KDM2B: variants seen among roughly 807,000 people sequenced by gnomAD.
KDM2B encodes lysine-specific demethylase 2B.
In KDM2B, 26 loss-of-function variants were observed where a neutral mutation model predicts 150.0. That is an observed-to-expected ratio of 0.17 (90% confidence interval 0.13 to 0.24). The LOEUF is 0.24. KDM2B is among the 10% of genes least tolerant of loss of function. KDM2B has a pLI of 1.00. For missense variants in KDM2B, 1,265 were observed against 1,816.9 expected (o/e 0.70, Z 5.52); for synonymous variants, 734 against 729.5 (o/e 1.01, Z -0.10).
chr12:121,436,794 G>A (rs1376495147), intron 22 of KDM2B, among the ~76,000 whole-genome samples: 4 of 152,120 alleles, frequency 2.6e-5, no homozygotes, highest in African/African-American at 4.8e-5. Context: ...AATTACAGAC[G>A]ACTTTCTATT....
intron 6 of KDM2B, among the ~76,000 whole-genome samples, chr12:121,542,573 T>G (rs1390276341): frequency 6.6e-6 from 1 of 152,238 alleles, no homozygotes; most frequent in Non-Finnish European, 1.5e-5. Flanking sequence ...TTTCTTAAGC[T>G]CTGAAGTTTT....
chr12:121,465,393 C>T (rs542075556), intron 12 of KDM2B, among the ~76,000 whole-genome samples: 2 of 152,286 alleles, frequency 1.3e-5, no homozygotes, highest in East Asian at 3.9e-4. Flanking sequence ...GCCACCACGC[C>T]GGGCTCACTT....
chr12:121,557,341 G>A (rs1185602527), intron 4 of KDM2B, among the ~76,000 whole-genome samples: 4 of 148,184 alleles, frequency 2.7e-5, no homozygotes, highest in South Asian at 2.1e-4. Flanking sequence ...GGGTTCAAGC[G>A]ATTCTCCTGC....
chr12:121,554,084 CAA>C (rs71079077), intron 4 of KDM2B, among the ~76,000 whole-genome samples: 2 of 141,404 alleles, frequency 1.4e-5, no homozygotes, highest in Admixed American at 7.0e-5. Flanking sequence ...CACACACACA[CAA>C]ATTGGCCAAG....
At chr12:121,466,622 G>C (rs1438217228) in intron 12 of KDM2B, among the ~76,000 whole-genome samples, 1 of 151,184 alleles carries the variant, frequency 6.6e-6, no homozygotes, top group Non-Finnish European at 1.5e-5. Flanking sequence ...GGCGGGCGGC[G>C]GGCGCGCGGC....
At chr12:121,443,315 C>G in intron 17 of KDM2B, 1 of 581,070 alleles carries the variant, frequency 1.7e-6, no homozygotes, top group Non-Finnish European at 3.1e-6. Context: ...TCATCCTCGG[C>G]TCTGGGAGCC....
chr12:121,563,250 G>C (rs1890468016), intron 4 of KDM2B, among the ~76,000 whole-genome samples: 1 of 152,136 alleles, frequency 6.6e-6, no homozygotes, highest in Non-Finnish European at 1.5e-5. Flanking sequence ...AGGAGGTCAA[G>C]TCTGCAGTGA....
intron 13 of KDM2B, among the ~76,000 whole-genome samples, chr12:121,447,523 G>A (rs988151968): frequency 2.6e-5 from 4 of 151,998 alleles, no homozygotes; most frequent in Admixed American, 6.6e-5. Flanking sequence ...GATTACAGGC[G>A]TAAACCACCG....
the KDM2B span, chr12:121,418,185 CACTA>C: frequency 2.5e-6 from 1 of 404,172 alleles, no homozygotes. Context: ...CACAGTTAGA[CACTA>C]ACTGTTGAAG....
intron 3 of KDM2B, 128 bp from the exon 4 acceptor site, chr12:121,574,721 G>A: frequency 1.3e-6 from 1 of 792,404 alleles, no homozygotes; most frequent in Non-Finnish European, 2.1e-6. Flanking sequence ...CTCAAAATGA[G>A]AACATCCAGA....
At chr12:121,460,185 T>G (rs1878901526) in intron 12 of KDM2B, among the ~76,000 whole-genome samples, 1 of 152,334 alleles carries the variant, frequency 6.6e-6, no homozygotes, top group African/African-American at 2.4e-5. Flanking sequence ...ATGTATCTGA[T>G]TTGATGCTAA....
chr12:121,440,589 G>C (rs1354714796), intron 21 of KDM2B: 1 of 529,890 alleles, frequency 1.9e-6, no homozygotes, highest in Non-Finnish European at 3.3e-6. Context: ...CGAGTCAACA[G>C]GAAAGCAGAG....
In KDM2B at chr12:121,444,159, ACTC is replaced by A; in HGVS notation, c.2301_2303del (p.Arg767del). The A allele has an allele frequency of 6.2e-7, 1 of 1,611,202 alleles. No homozygotes were observed. The highest frequency in any genetic ancestry group is 1.1e-5 in the South Asian group (1 of 91,036). On this transcript the variant is annotated inframe_deletion, in exon 16 of 23. Coordinates refer to ENST00000377071, the MANE Select transcript of KDM2B (RefSeq NM_032590.5). ...TGCGCCGGGGCGCCTCCTCACACTC[ACTC>A]CTCCGCTTGGCAGGTTCCTGCCCTT...
At chr12:121,558,912 T>C (rs1382442179) in intron 4 of KDM2B, among the ~76,000 whole-genome samples, 6 of 152,126 alleles carry the variant, frequency 3.9e-5, no homozygotes, top group African/African-American at 1.4e-4. Flanking sequence ...GGAATAACCA[T>C]GCCTCCCACT....
At chr12:121,526,142 A>T (rs1887108620) in intron 8 of KDM2B, among the ~76,000 whole-genome samples, 1 of 152,214 alleles carries the variant, frequency 6.6e-6, no homozygotes, top group African/African-American at 2.4e-5. Flanking sequence ...ACTTGAAGTC[A>T]GGAGTTTGAA....
At chr12:121,413,719 A>C in the KDM2B span, among the ~76,000 whole-genome samples, 1 of 151,580 alleles carries the variant, frequency 6.6e-6, no homozygotes, top group East Asian at 1.9e-4. Flanking sequence ...CTGGGACTAC[A>C]GGCCCCACCA....
At chr12:121,497,382 G>C (rs1472536595) in intron 11 of KDM2B, among the ~76,000 whole-genome samples, 1 of 152,114 alleles carries the variant, frequency 6.6e-6, no homozygotes, top group Non-Finnish European at 1.5e-5. Flanking sequence ...TTGGTTCACT[G>C]CAACCTCTGC....
chr12:121,556,340 GC>G (rs1889901052), intron 4 of KDM2B, among the ~76,000 whole-genome samples: 1 of 152,190 alleles, frequency 6.6e-6, no homozygotes, highest in South Asian at 2.1e-4. Context: ...TCCTACCTCA[GC>G]CTCCCAAATA....
chr12:121,500,608 C>T (rs1884447907), intron 11 of KDM2B, among the ~76,000 whole-genome samples: 1 of 152,354 alleles, frequency 6.6e-6, no homozygotes, highest in South Asian at 2.1e-4. Context: ...GAAGAATCGC[C>T]ATCCACAGGC....
Sources: allele counts gnomAD v4.1 joint callset (sites outside exome capture counted in the v4.1 genomes callset), GRCh38; gene constraint gnomAD v4.1.1; transcripts MANE v1.5; gene names NCBI Gene and HGNC (gene_info 2026-07-23, HGNC 2026-07-21).